Variants in DMD observed in about 807,000 individuals in gnomAD.
DMD encodes the protein mutant dystrophin.
DMD carries 63 observed loss-of-function variants against 330.1 expected under a neutral mutation model. The ratio of observed to expected loss-of-function variants is 0.19; its 90% CI spans 0.16 to 0.24. The LOEUF is 0.24. Ranked by LOEUF, DMD falls within the 10% of genes least tolerant of loss-of-function variation. The pLI is 1.00. For missense variants in DMD, 3,344 were observed against 2,684.1 expected, an observed-to-expected ratio of 1.25 and a Z score of -5.43; for synonymous variants, 1,223 against 959.8, an observed-to-expected ratio of 1.27 and a Z score of -5.07.
At chrX:32,835,266 A>G (rs2079517338) in intron 4 of DMD, among the ~76,000 whole-genome samples, 1 of 112,095 alleles carries the variant, frequency 8.9e-6, no homozygotes, top group South Asian at 3.7e-4. Context: ...GAATGGCTGT[A>G]TAAGAGATGT....
intron 30 of DMD, among the ~76,000 whole-genome samples, 176 bp from the exon 31 acceptor site, chrX:32,390,357 C>T (rs993411004): frequency 1.2e-4 from 13 of 111,264 alleles, no homozygotes; most frequent in Non-Finnish European, 1.5e-4. Context: ...TTTGGGAGGT[C>T]GAGGCAGGTG....
In DMD at chrX:31,205,102, G is replaced by A. The variant is rs772375645; in HGVS notation, c.9650-984C>T. Among the ~76,000 whole-genome samples, 26 of 111,804 alleles carry A rather than the reference G, an allele frequency of 2.3e-4. 1 individual carries two copies. In the South Asian group the frequency reaches 5.6e-3, roughly 24 times the overall value. On this transcript the variant is annotated intron_variant, in intron 66 of 78. Transcript: ENST00000357033. The stretch of plus-strand genomic sequence containing the variant: ...GGTGGATAGTAGGTGCCCAATATAT[G>A]TAACAGAATGAATGAACATACTGAA...
chrX:32,766,542 A>G (rs934319862), intron 7 of DMD, among the ~76,000 whole-genome samples: 6 of 110,932 alleles, frequency 5.4e-5, no homozygotes, highest in African/African-American at 2.0e-4. Flanking sequence ...CTGTATATTG[A>G]TTTTATTTAC....
At chrX:31,870,967 T>A (rs10521981) in intron 48 of DMD, among the ~76,000 whole-genome samples, 1 of 111,057 alleles carries the variant, frequency 9.0e-6, no homozygotes, top group Non-Finnish European at 1.9e-5. Context: ...GTCAGATAAA[T>A]AGTATACCTC....
At position 32,485,538 on chromosome X, in the gene DMD, T is replaced by A. The variant is rs779635056; in HGVS notation, c.2623-439A>T. Among the ~76,000 whole-genome samples, 5 of 109,590 alleles carry A rather than the reference T, an allele frequency of 4.6e-5. No individual in the cohort carries two copies. The South Asian group carries it at 1.9e-3, about 42-fold the overall frequency. On this transcript the variant is annotated intron_variant, in intron 20 of 78. Transcript: ENST00000357033. ...TTCTGCAAAATATAAATTACATATA[T>A]ACCTACATATATGTATATGTGTATA...
At chrX:32,623,826 T>G (rs999548267) in intron 11 of DMD, among the ~76,000 whole-genome samples, 2 of 111,984 alleles carry the variant, frequency 1.8e-5, no homozygotes, top group African/African-American at 6.5e-5. Flanking sequence ...CGCACCTAGC[T>G]ACTGTTATTT....
At chrX:32,435,742 T>C (rs149413894) in intron 29 of DMD, among the ~76,000 whole-genome samples, 3 of 111,293 alleles carry the variant, frequency 2.7e-5, no homozygotes, top group Non-Finnish European at 5.7e-5. Flanking sequence ...GACTCTGGGC[T>C]GGCCTATGGA....
intron 44 of DMD, among the ~76,000 whole-genome samples, chrX:32,141,647 A>G (rs2096753967): frequency 9.6e-6 from 1 of 104,088 alleles, no homozygotes; most frequent in South Asian, 4.6e-4. Flanking sequence ...TTTATAAGAA[A>G]AAATCCAGAA....
At chrX:32,465,587 T>TG (rs2098399557) in intron 23 of DMD, among the ~76,000 whole-genome samples, 882 of 59,786 alleles carry the variant, frequency 0.015, 10 homozygotes, top group African/African-American at 0.048. Flanking sequence ...TTTTTGTTTT[T>TG]TTTTTTTTTT....
chrX:31,453,791 C>CAAAAAAAAAAA (rs2065954911), intron 59 of DMD, among the ~76,000 whole-genome samples: 1 of 15,787 alleles, frequency 6.3e-5, no homozygotes, highest in African/African-American at 2.2e-4. Context: ...AAAAAAAAAA[C>CAAAAAAAAAAA]CACAAAATAC....
At chrX:31,274,578 T>C (rs1318722237) in intron 62 of DMD, among the ~76,000 whole-genome samples, 1 of 112,227 alleles carries the variant, frequency 8.9e-6, no homozygotes, top group Admixed American at 9.4e-5. Flanking sequence ...GATCTACCAA[T>C]GTCTGAATCT....
intron 7 of DMD, among the ~76,000 whole-genome samples, chrX:32,776,399 G>A (rs907870781): frequency 1.8e-5 from 2 of 110,107 alleles, no homozygotes; most frequent in East Asian, 2.9e-4. Context: ...GTTTTAGTCT[G>A]TTTTCACACT....
intron 1 of DMD, among the ~76,000 whole-genome samples, chrX:33,285,428 C>A (rs1324366009): frequency 3.6e-5 from 4 of 111,546 alleles, no homozygotes; most frequent in Non-Finnish European, 7.5e-5. Context: ...AAGAAACATA[C>A]ATGTGAAGGC....
chrX:33,304,235 A>G (rs1417592759), intron 1 of DMD, among the ~76,000 whole-genome samples: 2 of 111,155 alleles, frequency 1.8e-5, no homozygotes, highest in African/African-American at 6.5e-5. Flanking sequence ...TCAATGGAAC[A>G]GAACAGAGCC....
At chrX:31,436,045 T>A (rs1364179795) in intron 60 of DMD, among the ~76,000 whole-genome samples, 1 of 111,874 alleles carries the variant, frequency 8.9e-6, no homozygotes, top group Non-Finnish European at 1.9e-5. Context: ...ATATACATGT[T>A]TCTAGTAAGG....
At chrX:32,362,509 G>A (rs978971108) in intron 37 of DMD, among the ~76,000 whole-genome samples, 3 of 111,257 alleles carry the variant, frequency 2.7e-5, no homozygotes, top group Admixed American at 1.9e-4. Flanking sequence ...CTGAAAGTAC[G>A]TATGTAAACT....
chrX:31,841,550 C>T (rs1245912232), intron 48 of DMD, among the ~76,000 whole-genome samples: 1 of 109,167 alleles, frequency 9.2e-6, no homozygotes, highest in African/African-American at 3.3e-5. Flanking sequence ...AAGTCAATGC[C>T]TGGCTTCGAA....
chrX:33,081,460 G>A (rs750567501), intron 1 of DMD, among the ~76,000 whole-genome samples: 1 of 111,541 alleles, frequency 9.0e-6, no homozygotes, highest in South Asian at 3.8e-4. Flanking sequence ...TTTTCTTAGA[G>A]ACGGGGTTTC....
intron 55 of DMD, among the ~76,000 whole-genome samples, chrX:31,541,985 G>A (rs1013106966): frequency 9.0e-5 from 10 of 111,694 alleles, no homozygotes; most frequent in African/African-American, 2.9e-4. Context: ...TAAAATATTA[G>A]TTTCACTTCT....
Sources: gnomAD v4.1 joint callset for allele counts (sites outside exome capture counted in the v4.1 genomes callset) on GRCh38, gnomAD v4.1.1 for gene constraint, MANE v1.5 for transcripts, NCBI Gene and HGNC (gene_info 2026-07-23, HGNC 2026-07-21) for gene names.